The following CA10 variants were observed in gnomAD, a reference collection of about 807,000 sequenced individuals.
CA10 encodes carbonic anhydrase 10 (inactive), also known as carbonic anhydrase-related protein 10.
In CA10, 14 loss-of-function variants were observed where a neutral mutation model predicts 44.2. That is an observed-to-expected ratio of 0.32 (90% CI 0.21 to 0.50). The LOEUF (loss-of-function observed/expected upper bound fraction) is 0.50. Ranked by LOEUF, CA10 falls within the 20% of genes least tolerant of loss-of-function variation. The pLI is 0.99. For synonymous variants in CA10, 159 were observed against 141.6 expected, an observed-to-expected ratio of 1.12 and a Z score of -0.87; for missense variants, 350 against 409.7, an observed-to-expected ratio of 0.85 and a Z score of 1.26.
chr17:51,990,729 ACT>A (rs1410827665), intron 2 of CA10, among the ~76,000 whole-genome samples: 1 of 151,978 alleles, frequency 6.6e-6, no homozygotes, highest in Non-Finnish European at 1.5e-5. Context: ...GGAAATTTCA[ACT>A]CTCTATTTCT....
At chr17:52,132,730 C>G (rs1989269057) in intron 1 of CA10, among the ~76,000 whole-genome samples, 1 of 151,994 alleles carries the variant, frequency 6.6e-6, no homozygotes, top group African/African-American at 2.4e-5. Flanking sequence ...GATTTGGGGC[C>G]CTAAGCCTAG....
chr17:51,944,039 C>G (rs1983183434), intron 2 of CA10, among the ~76,000 whole-genome samples: 1 of 152,124 alleles, frequency 6.6e-6, no homozygotes, highest in Non-Finnish European at 1.5e-5. Flanking sequence ...ACCTTTTGTT[C>G]TAATTCTTCG....
chr17:51,910,323 T>TA (rs11406339), intron 3 of CA10, among the ~76,000 whole-genome samples: 80,360 of 151,884 alleles, frequency 0.53, 21,703 homozygotes, highest in Non-Finnish European at 0.56. Context: ...TGGTAACTGA[T>TA]AACAACGAAA....
intron 4 of CA10, among the ~76,000 whole-genome samples, chr17:51,666,293 G>A (rs1333239221): frequency 2.0e-5 from 3 of 152,170 alleles, no homozygotes. Context: ...AGGGGAATGA[G>A]GTAGGCTGAC....
chr17:51,969,448 C>A (rs748501622), intron 2 of CA10, among the ~76,000 whole-genome samples: 1 of 152,080 alleles, frequency 6.6e-6, no homozygotes, highest in East Asian at 1.9e-4. Flanking sequence ...ATTACTACTA[C>A]ACCACACTGA....
Position 52,139,075 on chromosome 17 carries a change from G to A in CA10, c.61+18651C>T, listed in dbSNP as rs1003677081. On this transcript the variant is annotated intron_variant, in intron 1 of 8. Coordinates refer to ENST00000451037, the MANE Select transcript of CA10 (RefSeq NM_020178.5). The stretch of plus-strand genomic sequence containing the variant: ...TTCAAACTAGGAGTTGGTAAATTGC[G>A]CTGTTCTTTATAATACCCGGTGTAG... Among the ~76,000 whole-genome samples the A allele has an allele frequency of 4.6e-5, 7 of 152,168 alleles. 1 individual carries two copies. The highest frequency in any genetic ancestry group is 4.1e-4 in the South Asian group (2 of 4,824).
chr17:51,727,046 T>C (rs1352447625), intron 4 of CA10, among the ~76,000 whole-genome samples: 2 of 152,222 alleles, frequency 1.3e-5, no homozygotes, highest in Non-Finnish European at 2.9e-5. Flanking sequence ...CTTGTCTCAA[T>C]GCCACCCACT....
intron 4 of CA10, among the ~76,000 whole-genome samples, chr17:51,733,489 C>T (rs184937467): frequency 1.3e-5 from 2 of 152,278 alleles, no homozygotes; most frequent in East Asian, 3.9e-4. Flanking sequence ...TCAACTTGTT[C>T]TTTAATTAAG....
chr17:51,867,247 G>C (rs748914427), intron 3 of CA10, among the ~76,000 whole-genome samples: 1 of 152,148 alleles, frequency 6.6e-6, no homozygotes, highest in Non-Finnish European at 1.5e-5. Flanking sequence ...TCCTGGTACT[G>C]ATGACTCGTG....
intron 3 of CA10, among the ~76,000 whole-genome samples, chr17:51,915,818 CCT>C (rs1179578016): frequency 1.3e-5 from 2 of 152,012 alleles, no homozygotes; most frequent in African/African-American, 4.8e-5. Context: ...CAGTATCTGT[CCT>C]TTTTGTAATC....
At chr17:51,637,034 A>G (rs1912866049) in intron 6 of CA10, among the ~76,000 whole-genome samples, 1 of 152,036 alleles carries the variant, frequency 6.6e-6, no homozygotes, top group Non-Finnish European at 1.5e-5. Context: ...TAGTCAATGT[A>G]TTGGTTGTAT....
At chr17:51,781,275 G>C (rs931253141) in intron 3 of CA10, among the ~76,000 whole-genome samples, 3 of 152,186 alleles carry the variant, frequency 2.0e-5, no homozygotes, top group African/African-American at 7.2e-5. Context: ...TATAATATCT[G>C]AGATAAATCC....
At position 52,067,108 on chromosome 17, in the gene CA10, CA is replaced by C. The variant is rs563697340; in HGVS notation, c.136+5210del. On this transcript the variant is annotated intron_variant, in intron 2 of 8. Transcript: ENST00000451037. ...AGGAGCCAAATTTTAATAGCCAAGA[CA>C]ATGGGGAAAATGTCTCCAGGGCATG... 1.2e-3 allele frequency among the ~76,000 whole-genome samples: 184 copies of C among 152,324 alleles called. 4 individuals are homozygous for C. The South Asian group carries it at 0.022, about 18-fold the overall frequency.
At chr17:52,097,445 T>G (rs1048326686) in intron 1 of CA10, among the ~76,000 whole-genome samples, 3 of 152,160 alleles carry the variant, frequency 2.0e-5, no homozygotes, top group Non-Finnish European at 4.4e-5. Context: ...TTCCAGAACA[T>G]TTTACTTCTC....
rs116582295 is a variant in CA10 at position 51,767,359 on chromosome 17, A to G, written c.280-19541T>C. On this transcript the variant is annotated intron_variant, in intron 3 of 8. Transcript: ENST00000451037. ...CTCTTAAATTTGTAAAACAAACTTG[A>G]TATTTTGGAATAATTTCAGTAGGTC... is the stretch of plus-strand genomic sequence containing the variant. 3.6e-3 allele frequency among the ~76,000 whole-genome samples: 543 copies of G among 152,310 alleles called. 1 individual carries two copies. Among genetic ancestry groups the G allele is most frequent in the African/African-American group, 0.012 (518 of 41,564 alleles).
chr17:51,896,915 C>T (rs1981094458), intron 3 of CA10, among the ~76,000 whole-genome samples: 1 of 150,080 alleles, frequency 6.7e-6, no homozygotes, highest in South Asian at 2.1e-4. Context: ...GTCCTTTGCC[C>T]ACTTTTAAAT....
rs372306590 is a variant in CA10 at position 51,792,613 on chromosome 17, G to A, written c.280-44795C>T. Among the ~76,000 whole-genome samples, 6 of 152,192 alleles carry A rather than the reference G, an allele frequency of 3.9e-5. No homozygotes were observed. The East Asian group carries it at 5.8e-4, about 15-fold the overall frequency. ...CTGTTAATTGTTTTAAAAAATAAAT[G>A]AACCGGTAGCTATTAATTACGCTTT... On this transcript the variant is annotated intron_variant, in intron 3 of 8. Transcript: ENST00000451037.
At chr17:52,058,880 AAACTC>A (rs1390575729) in intron 2 of CA10, among the ~76,000 whole-genome samples, 4 of 152,132 alleles carry the variant, frequency 2.6e-5, no homozygotes, top group African/African-American at 9.7e-5. Flanking sequence ...GTCTGTCTCT[AAACTC>A]AACTGCGAGC....
intron 1 of CA10, among the ~76,000 whole-genome samples, chr17:52,145,053 A>G (rs939713361): frequency 3.9e-5 from 6 of 152,206 alleles, no homozygotes; most frequent in East Asian, 1.9e-4. Flanking sequence ...ATGCTCTTCA[A>G]TACATCTGTA....
Sources: gnomAD v4.1 joint callset for allele counts (sites outside exome capture counted in the v4.1 genomes callset) on GRCh38, gnomAD v4.1.1 for gene constraint, MANE v1.5 for transcripts, NCBI Gene and HGNC (gene_info 2026-07-23, HGNC 2026-07-21) for gene names.